The following PCDHGA3 variants were observed in gnomAD, a reference collection of about 807,000 sequenced individuals.
PCDHGA3 encodes protocadherin gamma-A3.
Under a neutral mutation model 58.5 loss-of-function variants are expected in PCDHGA3, and 40 were observed. The observed-to-expected ratio is 0.68, with a 90% confidence interval of 0.53 to 0.89. The LOEUF is 0.89. PCDHGA3 is among the 40% of genes least tolerant of loss of function. The probability of loss-of-function intolerance (pLI) is 0.00; values close to 1 mark genes in which losing one functional copy is unlikely to be tolerated. For missense variants in PCDHGA3, 1,223 were observed against 1,195.9 expected (o/e 1.02, Z -0.33); for synonymous variants, 530 against 525.7 (o/e 1.01, Z -0.11).
intron 1 of PCDHGA3, chr5:141,411,535 G>C (rs945278706): frequency 6.6e-6 from 1 of 152,274 alleles, no homozygotes; most frequent in Non-Finnish European, 1.5e-5. Context: ...AGTGAGCCCT[G>C]ATCTTGCCAC....
intron 1 of PCDHGA3, chr5:141,374,015 G>T: frequency 1.5e-6 from 2 of 1,375,596 alleles, no homozygotes; most frequent in Non-Finnish European, 1.9e-6. Context: ...CTATTTCTGA[G>T]AAGAGCAAAA....
In PCDHGA3 at chr5:141,490,801, A is replaced by G; in HGVS notation, c.2425-4006A>G. On this transcript the variant is annotated intron_variant, in intron 1 of 3. Transcript: ENST00000253812. The surrounding 1 kb of genome is among the most constrained non-coding windows in gnomAD (Gnocchi z 5.4). ...GGATGGACGGATCTTTGCCCAGCGT[A>G]CCTTTGACTATGAATTGCTGCAGAT... The G allele has an allele frequency of 6.2e-7, 1 of 1,613,854 alleles. No homozygotes were observed. Among genetic ancestry groups the G allele is most frequent in the African/African-American group, 1.3e-5 (1 of 75,042 alleles).
chr5:141,448,421 A>G (rs1380029405), intron 1 of PCDHGA3, among the ~76,000 whole-genome samples: 1 of 152,132 alleles, frequency 6.6e-6, no homozygotes, highest in Non-Finnish European at 1.5e-5. Flanking sequence ...ACAATATACT[A>G]TGTATATATT....
intron 1 of PCDHGA3, chr5:141,409,594 C>A: frequency 1.2e-6 from 2 of 1,613,900 alleles, no homozygotes; most frequent in Non-Finnish European, 1.7e-6. Flanking sequence ...TGGCCGAGAA[C>A]AACCCGCCAG....
At chr5:141,403,546 C>A (rs62378450) in intron 1 of PCDHGA3, 1 of 1,613,984 alleles carries the variant, frequency 6.2e-7, no homozygotes, top group South Asian at 1.1e-5. Flanking sequence ...TGCTGGAGCG[C>A]GCCCTGGACA....
intron 1 of PCDHGA3, chr5:141,415,857 T>G (rs1271614762): frequency 1.7e-6 from 2 of 1,194,900 alleles, no homozygotes; most frequent in Non-Finnish European, 2.2e-6. Flanking sequence ...AACCTTGTAG[T>G]TTATAGTGTT....
intron 1 of PCDHGA3, among the ~76,000 whole-genome samples, chr5:141,480,400 G>A (rs1364147575): frequency 6.8e-6 from 1 of 146,550 alleles, no homozygotes; most frequent in Non-Finnish European, 1.5e-5. Context: ...TGGCAATAGA[G>A]TGAGACCCTG....
chr5:141,370,898 GC>G (rs752324204), intron 1 of PCDHGA3: 10 of 1,614,062 alleles, frequency 6.2e-6, no homozygotes, highest in Non-Finnish European at 8.5e-6. Context: ...ATTCGCTGCA[GC>G]AGTACTACCT....
In PCDHGA3 at chr5:141,432,219, T is replaced by A. The variant is rs1327611752; in HGVS notation, c.2425-62588T>A. 6.2e-7 allele frequency: 1 copy of A among 1,614,122 alleles called. No homozygotes were observed. Among genetic ancestry groups the A allele is most frequent in the East Asian group, 2.2e-5 (1 of 44,868 alleles). On this transcript the variant is annotated intron_variant, in intron 1 of 3. Transcript: ENST00000253812. The surrounding 1 kb of genome is among the most constrained non-coding windows in gnomAD (Gnocchi z 6.0). The stretch of plus-strand genomic sequence containing the variant: ...CCCGACTGTGAAGAGAACGCCCAGA[T>A]CACTTATTCCCTGGCTGAGAACACC...
intron 1 of PCDHGA3, chr5:141,351,038 C>T (rs1335852505): frequency 1.9e-6 from 3 of 1,614,004 alleles, no homozygotes; most frequent in East Asian, 4.5e-5. Context: ...CTCCGTGCTG[C>T]GGGTGATGGC....
intron 2 of PCDHGA3, among the ~76,000 whole-genome samples, chr5:141,502,625 T>G (rs2099815384): frequency 6.6e-6 from 1 of 152,210 alleles, no homozygotes; most frequent in Admixed American, 6.5e-5. Context: ...ATAAGTAATC[T>G]GTGGATGATA....
chr5:141,413,485 G>C lies in PCDHGA3; in HGVS notation c.2424+67028G>C, dbSNP rs184712199. ...CCGGGAGGAGCTCTGCGCTCAGAGC[G>C]CGCGGTGCGTGGTGAGTTTTAATAT... is the stretch of plus-strand genomic sequence containing the variant. On this transcript the variant is annotated intron_variant, in intron 1 of 3. Coordinates refer to ENST00000253812, the MANE Select transcript of PCDHGA3 (RefSeq NM_018916.4). 439 of 1,614,058 alleles carry C rather than the reference G, an allele frequency of 2.7e-4. 1 individual carries two copies. In the African/African-American group the frequency reaches 4.6e-3, roughly 17 times the overall value.
intron 1 of PCDHGA3, chr5:141,478,305 C>A (rs775282798): frequency 1.2e-6 from 2 of 1,613,974 alleles, no homozygotes; most frequent in Non-Finnish European, 8.5e-7. Flanking sequence ...TACCGAGCCC[C>A]GGTGAGCTCA....
intron 1 of PCDHGA3, chr5:141,479,290 T>C (rs1045200175): frequency 1.3e-5 from 2 of 152,438 alleles, no homozygotes; most frequent in Non-Finnish European, 2.9e-5. Flanking sequence ...AAAATAAATC[T>C]AGGCAACCCA....
rs754268147 is a variant in PCDHGA3, at chr5:141,410,352, G to C, written c.2424+63895G>C. ...CTGGCCATTGCCTTGCGCCTGCGAC[G>C]CTCTCTCAGCCCTGCTACTTGGGAC... On this transcript the variant is annotated intron_variant, in intron 1 of 3. Coordinates refer to ENST00000253812, the MANE Select transcript of PCDHGA3 (RefSeq NM_018916.4). The C allele has an allele frequency of 6.2e-6, 10 of 1,614,022 alleles. No homozygotes were observed. In the South Asian group the frequency reaches 1.1e-4, roughly 18 times the overall value.
chr5:141,350,391 G>A (rs1758462481), intron 1 of PCDHGA3: 3 of 1,597,588 alleles, frequency 1.9e-6, no homozygotes, highest in Non-Finnish European at 8.6e-7. Context: ...AACGGCTCAC[G>A]GGTGGGGAAA....
Position 141,512,160 on chromosome 5 carries a change from G to A in PCDHGA3, c.*987G>A, listed in dbSNP as rs1227447365. On this transcript the variant is annotated 3_prime_UTR_variant, in exon 4 of 4. Coordinates refer to ENST00000253812, the MANE Select transcript of PCDHGA3 (RefSeq NM_018916.4). ...CAGCCAGCTTTGGGCTGAGCTAACA[G>A]GACCAATGGATTAAACTGGCATTTC... 1 of 152,730 alleles carries A rather than the reference G, an allele frequency of 6.5e-6. No individual in the cohort carries two copies. Among genetic ancestry groups the A allele is most frequent in the African/African-American group, 2.4e-5 (1 of 41,456 alleles). The allele number at this position is 152,730 out of a possible 1,614,324, so 9.5% of individuals were successfully genotyped here.
intron 1 of PCDHGA3, among the ~76,000 whole-genome samples, chr5:141,475,171 C>A (rs545499118): frequency 6.6e-6 from 1 of 152,164 alleles, no homozygotes; most frequent in African/African-American, 2.4e-5. Context: ...AGCAGTGCAA[C>A]TTCTTGTGGC....
chr5:141,488,606 C>T (rs781116401), intron 1 of PCDHGA3, among the ~76,000 whole-genome samples: 2 of 152,156 alleles, frequency 1.3e-5, no homozygotes, highest in Admixed American at 1.3e-4. Flanking sequence ...TTACAAGGTT[C>T]TTACTAATCT....
Sources: gnomAD v4.1 joint callset for allele counts (sites outside exome capture counted in the v4.1 genomes callset) on GRCh38, gnomAD v4.1.1 for gene constraint, Gnocchi (gnomAD v3.1) non-coding constraint, MANE v1.5 for transcripts, NCBI Gene and HGNC (gene_info 2026-07-23, HGNC 2026-07-21) for gene names.